The following UGGT2 variants were observed in gnomAD, a reference collection of about 807,000 sequenced individuals.
The protein encoded by UGGT2 is UDP-glucose glycoprotein glucosyltransferase 2.
Under a neutral mutation model 192.1 loss-of-function variants are expected in UGGT2, and 180 were observed. That is an observed-to-expected ratio of 0.94 (90% CI 0.83 to 1.06). The LOEUF is 1.06. Among genes scored for constraint, UGGT2 ranks in the 50% least tolerant of loss-of-function variants. The pLI is 0.00. For missense variants in UGGT2, 1,849 were observed against 1,795.7 expected (o/e 1.03, Z -0.54); for synonymous variants, 580 against 591.0 (o/e 0.98, Z 0.27).
chr13:95,904,689 C>T (rs2048225825), intron 20 of UGGT2, among the ~76,000 whole-genome samples: 1 of 152,090 alleles, frequency 6.6e-6, no homozygotes, highest in Admixed American at 6.5e-5. Flanking sequence ...TTAATCCAGT[C>T]TATCATTGTT....
Position 95,894,595 on chromosome 13 carries a change from C to T in UGGT2, c.2822G>A (p.Arg941Gln), listed in dbSNP as rs200668883. 6.8e-6 allele frequency: 11 copies of T among 1,610,148 alleles called. No individual in the cohort carries two copies. The Admixed American group carries it at 8.4e-5, about 12-fold the overall frequency. ...CTCCCTAAGAAATGTGACATCATAT[C>T]GAGATGCACGCTTAGGCACAGAGGA... ...LMSSVPKRAS[R>Q]YDVTFLRENH... The change falls in exon 24 of 39, where the codon CGA (arginine) becomes CAA (glutamine). Residue 941 changes from arginine (R) to glutamine (Q), a missense_variant. Coordinates refer to ENST00000376747, the MANE Select transcript of UGGT2 (RefSeq NM_020121.4).
intron 1 of UGGT2, among the ~76,000 whole-genome samples, chr13:96,038,717 G>A (rs1354872184): frequency 6.9e-6 from 1 of 145,214 alleles, no homozygotes; most frequent in Non-Finnish European, 1.5e-5. Context: ...TTTTTTGTTG[G>A]GTGCATCATT....
At chr13:95,865,840 CA>C (rs1034240437) in intron 30 of UGGT2, among the ~76,000 whole-genome samples, 13 of 152,076 alleles carry the variant, frequency 8.5e-5, no homozygotes, top group Admixed American at 7.9e-4. Context: ...TTTATTTATC[CA>C]ACAAATACTC....
chr13:96,018,787 A>G (rs947930066), intron 4 of UGGT2, among the ~76,000 whole-genome samples: 1 of 151,686 alleles, frequency 6.6e-6, no homozygotes, highest in Non-Finnish European at 1.5e-5. Flanking sequence ...TAGCTCAACC[A>G]CAGACAGAAG....
intron 2 of UGGT2, among the ~76,000 whole-genome samples, chr13:96,027,764 C>A (rs2052712932): frequency 6.6e-6 from 1 of 152,178 alleles, no homozygotes; most frequent in Non-Finnish European, 1.5e-5. Context: ...ATATGAAAAG[C>A]TTTACTCACA....
intron 12 of UGGT2, among the ~76,000 whole-genome samples, chr13:95,967,476 GTTTT>G (rs56772987): frequency 1.6e-5 from 2 of 127,624 alleles, no homozygotes; most frequent in Non-Finnish European, 1.7e-5. Context: ...CAACTTTTTT[GTTTT>G]TTTTTTTTTT....
chr13:95,961,458 T>C (rs1053760580), intron 12 of UGGT2, among the ~76,000 whole-genome samples: 3 of 152,068 alleles, frequency 2.0e-5, no homozygotes, highest in Admixed American at 6.6e-5. Context: ...TAGCTATACT[T>C]TTATCAGATA....
intron 30 of UGGT2, 53 bp from the exon 31 acceptor site, chr13:95,863,767 G>T: frequency 7.1e-7 from 1 of 1,408,740 alleles, no homozygotes. Context: ...ATATTGTGCT[G>T]TATGGTTAGA....
At chr13:95,908,539 GT>G (rs1381108775) in intron 20 of UGGT2, among the ~76,000 whole-genome samples, 3 of 152,108 alleles carry the variant, frequency 2.0e-5, no homozygotes, top group Non-Finnish European at 4.4e-5. Context: ...TTCCACAATG[GT>G]TGAACTAGTT....
Position 95,925,711 on chromosome 13 carries a change from C to A in UGGT2, c.2264G>T (p.Arg755Ile). ...IIADFDKPSGRKLLFNALKHM... is the reference protein window; with the variant it reads ...IIADFDKPSGIKLLFNALKHM... ...CTTTAATGCATTAAAAAGAAGTTTT[C>A]TCCCAGAAGGCTTATCAAAATCTGC... The change falls in exon 20 of 39, where the codon AGA becomes ATA. Residue 755 changes from arginine (R) to isoleucine (I), a missense_variant. Transcript: ENST00000376747. 2.5e-6 allele frequency: 4 copies of A among 1,577,304 alleles called. No homozygotes were observed. The highest frequency in any genetic ancestry group is 3.5e-6 in the Non-Finnish European group (4 of 1,158,732).
intron 20 of UGGT2, among the ~76,000 whole-genome samples, chr13:95,917,122 G>C (rs566208643): frequency 6.6e-6 from 1 of 152,224 alleles, no homozygotes; most frequent in East Asian, 1.9e-4. Flanking sequence ...TGAAATGAAA[G>C]AAGAAATGTT....
At chr13:95,858,680 T>C (rs1330836636) in intron 33 of UGGT2, among the ~76,000 whole-genome samples, 1 of 152,188 alleles carries the variant, frequency 6.6e-6, no homozygotes, top group Admixed American at 6.6e-5. Flanking sequence ...CTATAAAAAC[T>C]GTAACTGTGA....
At chr13:96,033,459 G>A (rs1007538420) in intron 1 of UGGT2, among the ~76,000 whole-genome samples, 7 of 152,082 alleles carry the variant, frequency 4.6e-5, no homozygotes, top group African/African-American at 7.2e-5. Context: ...TTTGGGGGCT[G>A]AAGGCAGGTA....
At chr13:96,030,673 T>G (rs1209953824) in intron 2 of UGGT2, among the ~76,000 whole-genome samples, 1 of 152,206 alleles carries the variant, frequency 6.6e-6, no homozygotes, top group Non-Finnish European at 1.5e-5. Flanking sequence ...TCACCAATAG[T>G]AAGAAGATGT....
chr13:95,807,573 CTA>C (rs1474992215), intron 38 of UGGT2, among the ~76,000 whole-genome samples: 2 of 152,150 alleles, frequency 1.3e-5, no homozygotes, highest in African/African-American at 4.8e-5. Flanking sequence ...GGCACTGCTT[CTA>C]TGTCTTCTTC....
At chr13:96,016,524 A>G (rs1319814553) in intron 4 of UGGT2, among the ~76,000 whole-genome samples, 1 of 152,226 alleles carries the variant, frequency 6.6e-6, no homozygotes, top group Non-Finnish European at 1.5e-5. Context: ...TCACAGCTCC[A>G]GAGGGCACAA....
chr13:95,831,555 A>G (rs1271624867), intron 38 of UGGT2, among the ~76,000 whole-genome samples: 3 of 152,128 alleles, frequency 2.0e-5, no homozygotes, highest in African/African-American at 7.2e-5. Flanking sequence ...TTCATTGTTA[A>G]AAATAATGCT....
intron 2 of UGGT2, among the ~76,000 whole-genome samples, chr13:96,029,967 G>A (rs2052784032): frequency 6.6e-6 from 1 of 152,118 alleles, no homozygotes; most frequent in East Asian, 1.9e-4. Context: ...CATTAACCAT[G>A]AAAACCTTAC....
In UGGT2 at chr13:95,859,562, C is replaced by G. The variant is rs760513525; in HGVS notation, c.3825+29G>C. The G allele has an allele frequency of 2.0e-6, 3 of 1,502,616 alleles. No individual in the cohort carries two copies. The South Asian group carries it at 3.5e-5, about 17-fold the overall frequency. The allele number at this position is 1,502,616 out of a possible 1,614,324, so 93.1% of individuals were successfully genotyped here. On this transcript the variant is annotated intron_variant, in intron 33 of 38. Coordinates refer to ENST00000376747, the MANE Select transcript of UGGT2 (RefSeq NM_020121.4). ...AAATAATTTACTATTCAAACATTAACCATTCTACAAAAAAAGCTATGTACT... is the reference window on the plus strand; with the variant it reads ...AAATAATTTACTATTCAAACATTAAGCATTCTACAAAAAAAGCTATGTACT...
Sources: gnomAD v4.1 joint callset for allele counts (sites outside exome capture counted in the v4.1 genomes callset) on GRCh38, gnomAD v4.1.1 for gene constraint, MANE v1.5 for transcripts, NCBI Gene and HGNC (gene_info 2026-07-23, HGNC 2026-07-21) for gene names.